KIF16B: variants seen among roughly 807,000 people sequenced by gnomAD.
KIF16B encodes the protein kinesin family member 16B.
Under a neutral mutation model 156.3 loss-of-function variants are expected in KIF16B, and 98 were observed. The observed-to-expected ratio is 0.63, with a 90% CI of 0.53 to 0.74. The LOEUF (loss-of-function observed/expected upper bound fraction) is 0.74. Among genes scored for constraint, KIF16B ranks in the 30% least tolerant of loss-of-function variants. The pLI is 0.00. For missense variants in KIF16B, 1,421 were observed against 1,606.5 expected, an observed-to-expected ratio of 0.88 and a Z score of 1.97; for synonymous variants, 564 against 583.7, an observed-to-expected ratio of 0.97 and a Z score of 0.49.
At chr20:16,387,485 A>G (rs984771029) in intron 17 of KIF16B, among the ~76,000 whole-genome samples, 1 of 152,186 alleles carries the variant, frequency 6.6e-6, no homozygotes, top group Non-Finnish European at 1.5e-5. Context: ...TTAATTGGAT[A>G]GGGAAGTAAG....
intron 17 of KIF16B, among the ~76,000 whole-genome samples, chr20:16,388,505 G>A (rs1392137989): frequency 6.6e-6 from 1 of 152,050 alleles, no homozygotes; most frequent in Non-Finnish European, 1.5e-5. Flanking sequence ...TTTCCCAAAT[G>A]TTATAATTAA....
At chr20:16,471,402 T>C (rs73597770) in intron 12 of KIF16B, among the ~76,000 whole-genome samples, 5,530 of 152,266 alleles carry the variant, frequency 0.036, 154 homozygotes, top group South Asian at 0.094. Flanking sequence ...GTTCTGCCCC[T>C]TGACCAGCAT....
chr20:16,465,517 A>G (rs769839702), intron 12 of KIF16B, among the ~76,000 whole-genome samples: 2 of 152,202 alleles, frequency 1.3e-5, no homozygotes, highest in Non-Finnish European at 2.9e-5. Context: ...GTTATTTTAA[A>G]GCATGTGGCT....
At chr20:16,381,380 C>T (rs146103140) in intron 18 of KIF16B, among the ~76,000 whole-genome samples, 2 of 143,520 alleles carry the variant, frequency 1.4e-5, no homozygotes, top group East Asian at 4.4e-4. Context: ...AGAAGATCTA[C>T]TTTTGATTAA....
intron 17 of KIF16B, among the ~76,000 whole-genome samples, chr20:16,404,123 C>T (rs6105593): frequency 0.046 from 7,077 of 152,216 alleles, 332 homozygotes; most frequent in East Asian, 0.25. Flanking sequence ...AAATGTTGTT[C>T]TTGTTACTTC....
intron 24 of KIF16B, among the ~76,000 whole-genome samples, chr20:16,332,482 T>C (rs2063964598): frequency 6.6e-6 from 1 of 152,224 alleles, no homozygotes; most frequent in Non-Finnish European, 1.5e-5. Context: ...ACTCTCATAG[T>C]CTGTTTTCCT....
chr20:16,561,663 C>A (rs1227404475), intron 1 of KIF16B, among the ~76,000 whole-genome samples: 1 of 151,968 alleles, frequency 6.6e-6, no homozygotes, highest in Admixed American at 6.6e-5. Flanking sequence ...ACCACCTTAA[C>A]CACGTAATCA....
At chr20:16,477,980 C>T (rs1403089991) in intron 12 of KIF16B, among the ~76,000 whole-genome samples, 2 of 152,230 alleles carry the variant, frequency 1.3e-5, no homozygotes, top group East Asian at 1.9e-4. Context: ...CAATGGAATA[C>T]CCCGAGGACC....
In KIF16B at chr20:16,379,948, C is replaced by T. The variant is rs2065052874; in HGVS notation, c.2054G>A (p.Arg685Lys). Residue 685 changes from arginine to lysine, a missense_variant, in exon 19 of 26, where the codon AGG becomes AAG. Arg to Lys is a conservative substitution (Grantham distance 26, BLOSUM62 2). Transcript: ENST00000354981. ...CTGCAGCTCGATTTCCTGCTGTTCC[C>T]TCAGCCTCTCCTCTTCAAATTTTTC... Reference protein sequence around the residue: ...EKEKFEEERLREQQEIELQKK... With the variant: ...EKEKFEEERLKEQQEIELQKK... 6.2e-7 allele frequency: 1 copy of T among 1,613,954 alleles called. No homozygotes were observed. The highest frequency in any genetic ancestry group is 8.5e-7 in the Non-Finnish European group (1 of 1,180,048).
chr20:16,385,599 C>A (rs530737874), intron 17 of KIF16B, among the ~76,000 whole-genome samples: 2 of 152,262 alleles, frequency 1.3e-5, no homozygotes, highest in South Asian at 4.1e-4. Context: ...AAGTGAGACA[C>A]GACAAGTAAG....
chr20:16,431,913 TACACACAC>T (rs74175693), intron 12 of KIF16B, among the ~76,000 whole-genome samples: 2 of 143,762 alleles, frequency 1.4e-5, no homozygotes, highest in Non-Finnish European at 1.5e-5. Flanking sequence ...TGTATACGTA[TACACACAC>T]ACACACACAC....
intron 17 of KIF16B, among the ~76,000 whole-genome samples, chr20:16,392,764 T>TC (rs2065400153): frequency 6.6e-6 from 1 of 152,204 alleles, no homozygotes; most frequent in Non-Finnish European, 1.5e-5. Context: ...AGTGGTATAG[T>TC]CCTTCCTTCC....
At chr20:16,401,667 C>T (rs536031642) in intron 17 of KIF16B, among the ~76,000 whole-genome samples, 3 of 152,292 alleles carry the variant, frequency 2.0e-5, no homozygotes, top group East Asian at 1.9e-4. Context: ...AGTTCTTACT[C>T]GACTGCTAGC....
intron 23 of KIF16B, among the ~76,000 whole-genome samples, chr20:16,353,839 C>T (rs2064385150): frequency 6.6e-6 from 1 of 152,210 alleles, no homozygotes; most frequent in Non-Finnish European, 1.5e-5. Flanking sequence ...CACACACCTA[C>T]CTGTCAAGGT....
chr20:16,529,770 G>A lies in KIF16B; in HGVS notation c.48-1330C>T, dbSNP rs180720810. On this transcript the variant is annotated intron_variant, in intron 1 of 25. Coordinates refer to ENST00000354981, the MANE Select transcript of KIF16B (RefSeq NM_024704.5). ...AGTTCAAGACCAGCCTGATCAACAC[G>A]GAGAAACCCCATCTCTACTAAAAAT... is the stretch of plus-strand genomic sequence containing the variant. Among the ~76,000 whole-genome samples the A allele has an allele frequency of 4.6e-3, 698 of 152,248 alleles. 5 individuals are homozygous for A. The highest frequency in any genetic ancestry group is 4.9e-3 in the Non-Finnish European group (333 of 68,016).
intron 15 of KIF16B, among the ~76,000 whole-genome samples, chr20:16,416,661 C>T (rs2066095581): frequency 6.6e-6 from 1 of 151,612 alleles, no homozygotes; most frequent in African/African-American, 2.4e-5. Flanking sequence ...GTGCAGCAAA[C>T]CACCATGGCA....
intron 12 of KIF16B, among the ~76,000 whole-genome samples, chr20:16,489,996 G>A (rs1395526600): frequency 6.6e-6 from 1 of 151,932 alleles, no homozygotes; most frequent in East Asian, 1.9e-4. Flanking sequence ...AAAACATAGC[G>A]AAGAGCATCA....
intron 19 of KIF16B, among the ~76,000 whole-genome samples, chr20:16,374,826 C>T (rs984214556): frequency 1.1e-4 from 17 of 152,110 alleles, no homozygotes; most frequent in African/African-American, 3.9e-4. Flanking sequence ...TTAAAAACCA[C>T]CAATCTAGGA....
intron 22 of KIF16B, 115 bp downstream of exon 22, chr20:16,370,471 T>G: frequency 4.0e-6 from 3 of 752,658 alleles, no homozygotes; most frequent in Non-Finnish European, 6.1e-6. Context: ...TATTAGCCAT[T>G]AATCTTGCCG....
Sources: gnomAD v4.1 joint callset for allele counts (sites outside exome capture counted in the v4.1 genomes callset) on GRCh38, gnomAD v4.1.1 for gene constraint, MANE v1.5 for transcripts, NCBI Gene and HGNC (gene_info 2026-07-23, HGNC 2026-07-21) for gene names.